POU6F2: variants seen among roughly 807,000 people sequenced by gnomAD.
POU6F2 encodes the protein POU domain, class 6, transcription factor 2.
Under a neutral mutation model 71.3 loss-of-function variants are expected in POU6F2, and 31 were observed. That is an observed-to-expected ratio of 0.43 (90% CI 0.33 to 0.59). POU6F2 has a LOEUF of 0.59. POU6F2 is among the 20% of genes least tolerant of loss of function. The probability of loss-of-function intolerance (pLI) is 0.04; values close to 1 mark genes in which losing one functional copy is unlikely to be tolerated. For synonymous variants in POU6F2, 347 were observed against 355.7 expected (o/e 0.98, Z 0.27); for missense variants, 783 against 856.8 (o/e 0.91, Z 1.07).
intron 1 of POU6F2, among the ~76,000 whole-genome samples, chr7:39,075,407 A>T (rs1415356531): frequency 5.3e-5 from 8 of 152,140 alleles, no homozygotes; most frequent in Non-Finnish European, 5.9e-5. Context: ...AGGGGGCAGG[A>T]TGGATTTTTG....
chr7:39,158,299 G>C (rs891553109), intron 2 of POU6F2, among the ~76,000 whole-genome samples: 2 of 152,312 alleles, frequency 1.3e-5, no homozygotes, highest in South Asian at 2.1e-4. Context: ...TGAGGATACA[G>C]TGTTGAATCG....
chr7:39,174,565 G>T (rs1314629696), intron 2 of POU6F2, among the ~76,000 whole-genome samples: 1 of 152,074 alleles, frequency 6.6e-6, no homozygotes, highest in Non-Finnish European at 1.5e-5. Context: ...TGTTCCAAGA[G>T]GTATCCTATC....
intron 2 of POU6F2, among the ~76,000 whole-genome samples, chr7:39,187,263 A>C (rs1793559847): frequency 6.6e-6 from 1 of 152,194 alleles, no homozygotes; most frequent in Non-Finnish European, 1.5e-5. Flanking sequence ...TCCTCGTCCT[A>C]AGGCTCTTGC....
At chr7:39,262,906 A>G (rs76600157) in intron 4 of POU6F2, among the ~76,000 whole-genome samples, 2,058 of 152,276 alleles carry the variant, frequency 0.014, 39 homozygotes, top group African/African-American at 0.046. Context: ...CAAGAGTGCT[A>G]TTGCTCAGAA....
At chr7:39,441,013 G>A (rs951472632) in intron 7 of POU6F2, among the ~76,000 whole-genome samples, 2 of 151,974 alleles carry the variant, frequency 1.3e-5, no homozygotes, top group African/African-American at 2.4e-5. Context: ...ATTCACTCCC[G>A]TGCCTGGATA....
At chr7:39,378,975 T>A (rs905608660) in intron 5 of POU6F2, among the ~76,000 whole-genome samples, 1 of 152,050 alleles carries the variant, frequency 6.6e-6, no homozygotes, top group African/African-American at 2.4e-5. Flanking sequence ...ATGCTAGAGG[T>A]GGATCAAGAA....
chr7:39,249,446 T>A (rs1311083363), intron 4 of POU6F2, among the ~76,000 whole-genome samples: 2 of 152,198 alleles, frequency 1.3e-5, no homozygotes, highest in Admixed American at 1.3e-4. Flanking sequence ...ACATTTCTGC[T>A]CTTTCTCAAA....
At chr7:39,353,169 G>A (rs967808591) in intron 5 of POU6F2, among the ~76,000 whole-genome samples, 3 of 152,186 alleles carry the variant, frequency 2.0e-5, no homozygotes, top group Non-Finnish European at 2.9e-5. Context: ...CAGATTGGAC[G>A]GGCAGGTCCT....
intron 5 of POU6F2, among the ~76,000 whole-genome samples, chr7:39,385,313 A>G (rs565055259): frequency 6.6e-6 from 1 of 152,312 alleles, no homozygotes; most frequent in Non-Finnish European, 1.5e-5. Context: ...TATTCATTCA[A>G]CAAACACCCA....
chr7:39,287,238 G>A (rs998572916), intron 4 of POU6F2, among the ~76,000 whole-genome samples: 3 of 152,036 alleles, frequency 2.0e-5, no homozygotes, highest in Non-Finnish European at 2.9e-5. Context: ...CCAGCTCATC[G>A]AATAACTGAA....
chr7:39,151,977 T>C (rs2128734494), intron 2 of POU6F2, among the ~76,000 whole-genome samples: 1 of 152,332 alleles, frequency 6.6e-6, no homozygotes, highest in Non-Finnish European at 1.5e-5. Flanking sequence ...CAGCGTGGCT[T>C]ATCTTCTTTC....
intron 2 of POU6F2, among the ~76,000 whole-genome samples, chr7:39,172,472 G>A (rs899979464): frequency 7.9e-5 from 12 of 151,960 alleles, no homozygotes; most frequent in African/African-American, 2.9e-4. Flanking sequence ...TTCTTCACTA[G>A]AATCTTGTTA....
At chr7:39,032,322 C>T (rs1184913767) in intron 1 of POU6F2, among the ~76,000 whole-genome samples, 1 of 152,110 alleles carries the variant, frequency 6.6e-6, no homozygotes. Flanking sequence ...CTCTTTTGTA[C>T]CTGAATGAGT....
At chr7:39,364,950 T>C (rs1039211556) in intron 5 of POU6F2, among the ~76,000 whole-genome samples, 1 of 152,230 alleles carries the variant, frequency 6.6e-6, no homozygotes, top group Non-Finnish European at 1.5e-5. Context: ...TATTTTTTGA[T>C]TGTGGCCATT....
chr7:39,332,505 C>G (rs1044207467), intron 4 of POU6F2, among the ~76,000 whole-genome samples: 1 of 152,060 alleles, frequency 6.6e-6, no homozygotes, highest in African/African-American at 2.4e-5. Context: ...ATGTCTAAGT[C>G]TTTGTAAGTT....
rs374790940 is a variant in POU6F2, at chr7:39,086,071, T to A, written c.277+40T>A. 18 of 1,590,612 alleles carry A rather than the reference T, an allele frequency of 1.1e-5. No individual in the cohort carries two copies. The African/African-American group carries it at 1.7e-4, about 15-fold the overall frequency. On this transcript the variant is annotated intron_variant, in intron 2 of 9. Transcript: ENST00000518318. The stretch of plus-strand genomic sequence containing the variant: ...GTATTTCATTTCAGTACTACCATGT[T>A]GTCCGGAAGAGCAATCCAACCCCCC...
At chr7:39,212,542 C>T (rs991305207) in intron 4 of POU6F2, among the ~76,000 whole-genome samples, 2 of 152,114 alleles carry the variant, frequency 1.3e-5, no homozygotes, top group African/African-American at 2.4e-5. Context: ...CTTGAGTGCC[C>T]CTTTCCCCTT....
intron 4 of POU6F2, among the ~76,000 whole-genome samples, chr7:39,218,954 G>A (rs1794296423): frequency 6.6e-6 from 1 of 152,082 alleles, no homozygotes; most frequent in Non-Finnish European, 1.5e-5. Context: ...AGCTAGGGAG[G>A]GAAGAGATTT....
intron 4 of POU6F2, among the ~76,000 whole-genome samples, chr7:39,321,824 G>A (rs1785398542): frequency 6.6e-6 from 1 of 151,824 alleles, no homozygotes; most frequent in African/African-American, 2.4e-5. Context: ...AAGGGAGAGG[G>A]AGAAAGAGAA....
Sources: allele counts gnomAD v4.1 joint callset (sites outside exome capture counted in the v4.1 genomes callset), GRCh38; gene constraint gnomAD v4.1.1; transcripts MANE v1.5; gene names NCBI Gene and HGNC (gene_info 2026-07-23, HGNC 2026-07-21).